PLEKHH2: variants seen among roughly 807,000 people sequenced by gnomAD.
PLEKHH2 encodes the protein pleckstrin homology, MyTH4 and FERM domain containing H2, also known as pleckstrin homology domain-containing family H member 2.
In PLEKHH2, 129 loss-of-function variants were observed where a neutral mutation model predicts 187.9. The ratio of observed to expected loss-of-function variants is 0.69; its 90% confidence interval spans 0.59 to 0.79. PLEKHH2 has a LOEUF of 0.79. Among genes scored for constraint, PLEKHH2 ranks in the 30% least tolerant of loss-of-function variants. The pLI is 0.00. For missense variants in PLEKHH2, 2,076 were observed against 1,751.2 expected, an observed-to-expected ratio of 1.19 and a Z score of -3.31; for synonymous variants, 686 against 605.6, an observed-to-expected ratio of 1.13 and a Z score of -1.95.
intron 2 of PLEKHH2, among the ~76,000 whole-genome samples, chr2:43,657,798 A>G (rs776704045): frequency 2.6e-5 from 4 of 152,224 alleles, no homozygotes; most frequent in Non-Finnish European, 5.9e-5. Flanking sequence ...ATGTATTCCC[A>G]GTATCTGCAG....
In PLEKHH2 at chr2:43,765,692, A is replaced by T. The variant is rs910581604; in HGVS notation, c.*94A>T. 9 of 1,214,140 alleles carry T rather than the reference A, an allele frequency of 7.4e-6. No homozygotes were observed. Among genetic ancestry groups the T allele is most frequent in the African/African-American group, 6.1e-5 (4 of 65,248 alleles). The allele number at this position is 1,214,140 out of a possible 1,614,324, so 75.2% of individuals were successfully genotyped here. A position where few individuals can be genotyped will look rare whatever the true frequency, so the allele number is the denominator to read the frequency against. ...GTTTACACCTGGCAGCACGGCAGCCACACACCGGTATTCCAAACCTTAACA... is the reference window on the plus strand; with the variant it reads ...GTTTACACCTGGCAGCACGGCAGCCTCACACCGGTATTCCAAACCTTAACA... On this transcript the variant is annotated 3_prime_UTR_variant, in exon 30 of 30. Transcript: ENST00000282406.
intron 1 of PLEKHH2, among the ~76,000 whole-genome samples, chr2:43,638,287 A>ACACT (rs1558394132): frequency 1.5e-5 from 2 of 136,932 alleles, no homozygotes; most frequent in African/African-American, 5.3e-5. Context: ...ACACACACAC[A>ACACT]CTCACACACA....
intron 2 of PLEKHH2, among the ~76,000 whole-genome samples, chr2:43,645,096 A>T (rs1666123895): frequency 6.6e-6 from 1 of 152,102 alleles, no homozygotes; most frequent in African/African-American, 2.4e-5. Flanking sequence ...GACAGCTTTG[A>T]TCTACTAAAT....
intron 16 of PLEKHH2, among the ~76,000 whole-genome samples, chr2:43,724,844 C>G (rs576323416): frequency 1.3e-5 from 2 of 152,250 alleles, no homozygotes; most frequent in South Asian, 2.1e-4. Context: ...TGAATTATGA[C>G]TAGTTGCTTA....
At chr2:43,722,255 C>CAAA (rs5830768) in intron 16 of PLEKHH2, among the ~76,000 whole-genome samples, 1 of 123,518 alleles carries the variant, frequency 8.1e-6, no homozygotes, top group Admixed American at 8.1e-5. Context: ...GACCCTATCT[C>CAAA]AAAAAAAAAA....
chr2:43,689,257 G>A (rs1668679141), intron 3 of PLEKHH2, among the ~76,000 whole-genome samples: 1 of 152,190 alleles, frequency 6.6e-6, no homozygotes, highest in South Asian at 2.1e-4. Context: ...AGAAGGTTTG[G>A]GAGAAGTGGG....
intron 2 of PLEKHH2, among the ~76,000 whole-genome samples, chr2:43,656,046 C>T (rs1383537791): frequency 6.6e-6 from 1 of 151,820 alleles, no homozygotes; most frequent in African/African-American, 2.4e-5. Flanking sequence ...GCAATCTCCA[C>T]CTCCTGGGTT....
intron 29 of PLEKHH2, among the ~76,000 whole-genome samples, chr2:43,764,693 A>G (rs997481467): frequency 1.8e-4 from 27 of 152,350 alleles, no homozygotes; most frequent in Middle Eastern, 3.4e-3. Context: ...TTGTGGCATT[A>G]AGTTATTGCT....
intron 21 of PLEKHH2, 49 bp from the exon 22 acceptor site, chr2:43,742,692 T>G: frequency 7.4e-7 from 1 of 1,346,704 alleles, no homozygotes; most frequent in African/African-American, 1.5e-5. Flanking sequence ...ACATATTAGG[T>G]TGTCAATTAA....
At chr2:43,688,617 G>A (rs1668641604) in intron 3 of PLEKHH2, among the ~76,000 whole-genome samples, 1 of 152,184 alleles carries the variant, frequency 6.6e-6, no homozygotes, top group Non-Finnish European at 1.5e-5. Flanking sequence ...ATCCCCAACA[G>A]TACTCTTGGG....
intron 26 of PLEKHH2, among the ~76,000 whole-genome samples, chr2:43,757,705 A>T (rs1672272100): frequency 6.6e-6 from 1 of 152,110 alleles, no homozygotes; most frequent in East Asian, 1.9e-4. Context: ...GGCGTGAGCC[A>T]CTGTGCCCAG....
intron 19 of PLEKHH2, among the ~76,000 whole-genome samples, chr2:43,733,940 T>C (rs1671171575): frequency 6.6e-6 from 1 of 152,194 alleles, no homozygotes; most frequent in South Asian, 2.1e-4. Context: ...GTCAATTTTA[T>C]AAGAAAATAT....
At chr2:43,726,480 AATG>A (rs1670752492) in intron 17 of PLEKHH2, 29 bp downstream of exon 17, 1 of 1,534,112 alleles carries the variant, frequency 6.5e-7, no homozygotes, top group African/African-American at 1.4e-5. Flanking sequence ...GTTGATTTAG[AATG>A]ATGTAGACTA....
chr2:43,723,360 A>G (rs1670575795), intron 16 of PLEKHH2, among the ~76,000 whole-genome samples: 1 of 152,110 alleles, frequency 6.6e-6, no homozygotes, highest in Non-Finnish European at 1.5e-5. Context: ...GGCAATGAAG[A>G]CTCCAAGACA....
intron 2 of PLEKHH2, among the ~76,000 whole-genome samples, chr2:43,647,327 G>A (rs1666229273): frequency 6.6e-6 from 1 of 152,230 alleles, no homozygotes; most frequent in South Asian, 2.1e-4. Flanking sequence ...CTTAGGCATA[G>A]AAAAGTTATT....
intron 2 of PLEKHH2, among the ~76,000 whole-genome samples, chr2:43,677,365 C>T (rs756356372): frequency 6.6e-6 from 1 of 152,108 alleles, no homozygotes; most frequent in Non-Finnish European, 1.5e-5. Context: ...GTGTTTGTGT[C>T]CCTAGGTACT....
chr2:43,717,621 G>A (rs1670276646), intron 15 of PLEKHH2, among the ~76,000 whole-genome samples: 1 of 152,182 alleles, frequency 6.6e-6, no homozygotes, highest in Non-Finnish European at 1.5e-5. Flanking sequence ...GACAGCAAAG[G>A]TTACTGGAAG....
intron 3 of PLEKHH2, chr2:43,681,731 C>T: frequency 2.0e-6 from 1 of 495,082 alleles, no homozygotes; most frequent in Non-Finnish European, 3.6e-6. Flanking sequence ...CCTGATGCCC[C>T]AGACACCCCA....
At chr2:43,758,064 G>T (rs1020348456) in intron 26 of PLEKHH2, among the ~76,000 whole-genome samples, 4 of 152,154 alleles carry the variant, frequency 2.6e-5, no homozygotes, top group African/African-American at 9.7e-5. Flanking sequence ...AGAAATAGAG[G>T]CAAATCCAAT....
Sources: allele counts gnomAD v4.1 joint callset (sites outside exome capture counted in the v4.1 genomes callset), GRCh38; gene constraint gnomAD v4.1.1; transcripts MANE v1.5; gene names NCBI Gene and HGNC (gene_info 2026-07-23, HGNC 2026-07-21).